Variants in GREB1L observed in about 807,000 individuals in gnomAD.
GREB1L encodes the protein GREB1 like retinoic acid receptor coactivator, also known as GREB1-like protein.
GREB1L carries 17 observed loss-of-function variants against 200.8 expected under a neutral mutation model. That is an observed-to-expected ratio of 0.08 (90% CI 0.06 to 0.13). GREB1L has a LOEUF of 0.13. GREB1L is among the 10% of genes least tolerant of loss of function. The pLI, the probability that GREB1L is intolerant of heterozygous loss-of-function variation, is 1.00. For missense variants in GREB1L, 1,657 were observed against 2,367.7 expected, an observed-to-expected ratio of 0.70 and a Z score of 6.23; for synonymous variants, 789 against 893.0, an observed-to-expected ratio of 0.88 and a Z score of 2.08.
chr18:21,362,443 T>C (rs2039594305), intron 1 of GREB1L, among the ~76,000 whole-genome samples: 1 of 152,080 alleles, frequency 6.6e-6, no homozygotes, highest in South Asian at 2.1e-4. Context: ...GAGAAAAAAA[T>C]ATTTTTATTA....
chr18:21,268,560 C>CATATATATATATATATATATATATATAT (rs370094258), intron 1 of GREB1L, among the ~76,000 whole-genome samples: 1 of 63,520 alleles, frequency 1.6e-5, no homozygotes, highest in African/African-American at 7.5e-5. Flanking sequence ...CACACACACA[C>CATATATATATATATATATATATATATAT]ATATATATAT....
intron 7 of GREB1L, among the ~76,000 whole-genome samples, chr18:21,411,235 C>T (rs1457939680): frequency 6.6e-6 from 1 of 150,468 alleles, no homozygotes; most frequent in Non-Finnish European, 1.5e-5. Flanking sequence ...GAGACAGAGT[C>T]TCACTCTGTC....
At chr18:21,316,697 A>G (rs2038873673) in intron 1 of GREB1L, among the ~76,000 whole-genome samples, 1 of 152,108 alleles carries the variant, frequency 6.6e-6, no homozygotes, top group African/African-American at 2.4e-5. Flanking sequence ...TGTTGAAAAT[A>G]AAGTATCTGT....
At chr18:21,281,619 C>A (rs930961911) in intron 1 of GREB1L, among the ~76,000 whole-genome samples, 1 of 152,134 alleles carries the variant, frequency 6.6e-6, no homozygotes, top group African/African-American at 2.4e-5. Flanking sequence ...TATAAACAGA[C>A]CCTTGCATAA....
chr18:21,276,412 A>G lies in GREB1L; in HGVS notation c.-120+34019A>G, dbSNP rs1222362179. On this transcript the variant is annotated intron_variant, in intron 1 of 32. Coordinates refer to ENST00000424526, the MANE Select transcript of GREB1L (RefSeq NM_001142966.3). ...GTTCATTCCCACCCGTTCTACATTCACGGTCTCTCCCCTGGGCTGGGAACG... is the reference window on the plus strand; with the variant it reads ...GTTCATTCCCACCCGTTCTACATTCGCGGTCTCTCCCCTGGGCTGGGAACG... Among the ~76,000 whole-genome samples the G allele has an allele frequency of 2.0e-5, 3 of 152,110 alleles. No homozygotes were observed. In the East Asian group the frequency reaches 5.8e-4, roughly 29 times the overall value.
chr18:21,389,542 G>A (rs1409322566), intron 4 of GREB1L, among the ~76,000 whole-genome samples: 3 of 151,926 alleles, frequency 2.0e-5, no homozygotes, highest in Non-Finnish European at 4.4e-5. Flanking sequence ...TATTTGTGTG[G>A]ATTGTGTAGT....
Position 21,500,196 on chromosome 18 carries a change from C to G in GREB1L, c.3859C>G (p.Gln1287Glu). 1.3e-6 allele frequency: 2 copies of G among 1,549,112 alleles called. No homozygotes were observed. The highest frequency in any genetic ancestry group is 1.7e-6 in the Non-Finnish European group (2 of 1,146,648). ...SSEEQSLYYR[Q>E]WTLARQHHAD... ...TGAGGAGCAGTCCCTCTACTACAGG[C>G]AGTGGACCTTGGCCCGGCAGCACCA... Residue 1287 changes from glutamine (Q) to glutamate (E), a missense_variant, in exon 22 of 33, where the codon CAG becomes GAG. Gln to Glu is a conservative substitution (Grantham distance 29). This residue lies in a region of GREB1L where 512 missense variants were observed against 668.3 expected (regional missense o/e 0.77). Transcript: ENST00000424526.
At chr18:21,308,579 CTTTAGAATA>C (rs1226301446) in intron 1 of GREB1L, among the ~76,000 whole-genome samples, 3 of 152,200 alleles carry the variant, frequency 2.0e-5, no homozygotes, top group African/African-American at 7.2e-5. Context: ...CCTAATTCAT[CTTTAGAATA>C]TTGGTACCAC....
At chr18:21,243,399 C>G (rs182056811) in intron 1 of GREB1L, among the ~76,000 whole-genome samples, 3 of 152,318 alleles carry the variant, frequency 2.0e-5, no homozygotes. Context: ...GTTCCAAGGT[C>G]CTTATCCTCC....
At chr18:21,438,972 A>G (rs1462410571) in intron 7 of GREB1L, among the ~76,000 whole-genome samples, 3 of 150,724 alleles carry the variant, frequency 2.0e-5, no homozygotes, top group Non-Finnish European at 4.4e-5. Context: ...AAAAAAAAAA[A>G]AAAAAAAGAA....
chr18:21,277,869 T>A (rs1263565747), intron 1 of GREB1L, among the ~76,000 whole-genome samples: 1 of 152,150 alleles, frequency 6.6e-6, no homozygotes, highest in Non-Finnish European at 1.5e-5. Context: ...GTATCTTCAG[T>A]GTCCGGTACA....
chr18:21,496,329 A>T (rs2036542934), intron 20 of GREB1L, 125 bp from the exon 21 acceptor site: 3 of 1,019,826 alleles, frequency 2.9e-6, no homozygotes, highest in Non-Finnish European at 4.3e-6. Flanking sequence ...GTTTCAGTCA[A>T]GGCTCACCTG....
At chr18:21,377,350 G>GA (rs2040115262) in intron 2 of GREB1L, among the ~76,000 whole-genome samples, 1 of 152,056 alleles carries the variant, frequency 6.6e-6, no homozygotes, top group Admixed American at 6.5e-5. Flanking sequence ...TTTGAAAATG[G>GA]AAAAAAGTAG....
At chr18:21,393,885 T>G (rs1353747798) in intron 4 of GREB1L, among the ~76,000 whole-genome samples, 1 of 152,162 alleles carries the variant, frequency 6.6e-6, no homozygotes, top group Middle Eastern at 3.2e-3. Flanking sequence ...ATCATACTTT[T>G]ATTCAGCCTT....
chr18:21,474,677 G>T (rs780793675), intron 16 of GREB1L, among the ~76,000 whole-genome samples: 15 of 152,244 alleles, frequency 9.9e-5, no homozygotes, highest in Middle Eastern at 3.4e-3. Flanking sequence ...GCTGCACACA[G>T]CACAGGGCCC....
intron 7 of GREB1L, among the ~76,000 whole-genome samples, chr18:21,432,083 C>T (rs770693294): frequency 6.6e-5 from 10 of 151,732 alleles, no homozygotes; most frequent in African/African-American, 9.7e-5. Flanking sequence ...CCACCGCGTC[C>T]GGCTAATTTT....
At chr18:21,497,528 C>G (rs928477606) in intron 21 of GREB1L, among the ~76,000 whole-genome samples, 1 of 151,810 alleles carries the variant, frequency 6.6e-6, no homozygotes, top group Non-Finnish European at 1.5e-5. Context: ...CCTGTAGTCC[C>G]AGCTACCCTG....
chr18:21,315,999 T>C (rs971700817), intron 1 of GREB1L, among the ~76,000 whole-genome samples: 2 of 152,194 alleles, frequency 1.3e-5, no homozygotes, highest in Non-Finnish European at 2.9e-5. Context: ...CCCTCGGGGA[T>C]AGGCCTGAGG....
intron 27 of GREB1L, among the ~76,000 whole-genome samples, chr18:21,509,367 A>C (rs1261500341): frequency 1.3e-5 from 2 of 152,174 alleles, no homozygotes; most frequent in Non-Finnish European, 2.9e-5. Context: ...TTTTAAAGGG[A>C]AGTAATAACA....
Sources: allele counts gnomAD v4.1 joint callset (sites outside exome capture counted in the v4.1 genomes callset), GRCh38; gene constraint gnomAD v4.1.1; regional missense constraint gnomAD v4.1.1; transcripts MANE v1.5; gene names NCBI Gene and HGNC (gene_info 2026-07-23, HGNC 2026-07-21).